CXCL14: variants seen among roughly 807,000 people sequenced by gnomAD.
The protein encoded by CXCL14 is C-X-C motif chemokine ligand 14, also known as C-X-C motif chemokine 14.
A neutral mutation model predicts 16.1 loss-of-function variants in CXCL14; 9 were observed. The observed-to-expected ratio is 0.56, with a 90% CI of 0.34 to 0.97. The LOEUF (loss-of-function observed/expected upper bound fraction) is 0.97, where lower values mean the gene tolerates loss of function less well. CXCL14 is among the 50% of genes least tolerant of loss of function. The pLI is 0.02. For missense variants in CXCL14, 111 were observed against 132.5 expected, an observed-to-expected ratio of 0.84 and a Z score of 0.80; for synonymous variants, 55 against 52.8, an observed-to-expected ratio of 1.04 and a Z score of -0.18.
intron 2 of CXCL14, 138 bp downstream of exon 2, chr5:135,578,296 G>A (rs1751145885): frequency 1.7e-5 from 12 of 708,954 alleles, no homozygotes; most frequent in Middle Eastern, 5.3e-4. Flanking sequence ...AGGACTCTCT[G>A]GGCAATTACA....
chr5:135,573,742 G>T (rs1005714340), intron 3 of CXCL14, among the ~76,000 whole-genome samples: 2 of 149,864 alleles, frequency 1.3e-5, no homozygotes, highest in African/African-American at 5.0e-5. Flanking sequence ...GTGTGTGTGT[G>T]CTTCCTGATC....
In CXCL14 at chr5:135,571,623, G is replaced by GCACA; in HGVS notation, c.*229_*230insTGTG. ...GTGATGAAGTCTGGAGCACAAGAGA[G>GCACA]ATGGGTCTCCCATCTGGAAGCCTTT... is the stretch of plus-strand genomic sequence containing the variant. On this transcript the variant is annotated 3_prime_UTR_variant, in exon 4 of 4. Coordinates refer to ENST00000512158, the MANE Select transcript of CXCL14 (RefSeq NM_004887.5). The GCACA allele has an allele frequency of 1.9e-6, 1 of 514,818 alleles. No individual in the cohort carries two copies. Among genetic ancestry groups the GCACA allele is most frequent in the East Asian group, 3.2e-5 (1 of 31,624 alleles). 31.9% of individuals were successfully genotyped at this position (514,818 alleles called of 1,614,324 possible).
chr5:135,578,930 G>T lies in CXCL14; in HGVS notation c.-152C>A. ...GCTGGCTCCGGCTGCGCCGTCGGTGGATGCCCAGGGCTGTCTGTGGCCGTG... is the reference window on the plus strand; with the variant it reads ...GCTGGCTCCGGCTGCGCCGTCGGTGTATGCCCAGGGCTGTCTGTGGCCGTG... On this transcript the variant is annotated 5_prime_UTR_variant, in exon 1 of 4. Transcript: ENST00000512158. The T allele has an allele frequency of 2.5e-6, 2 of 789,102 alleles. No individual in the cohort carries two copies. Among genetic ancestry groups the T allele is most frequent in the Non-Finnish European group, 3.8e-6 (2 of 532,264 alleles). The allele number at this position is 789,102 out of a possible 1,614,324, so 48.9% of individuals were successfully genotyped here.
chr5:135,574,712 G>T (rs750176422), intron 2 of CXCL14, 27 bp from the exon 3 acceptor site: 1 of 1,571,264 alleles, frequency 6.4e-7, no homozygotes, highest in Non-Finnish European at 8.8e-7. Context: ...TGAGGTGGAG[G>T]GTTGAGGAGC....
rs964827401 is a variant in CXCL14 at position 135,571,618 on chromosome 5, A to G, written c.*235T>C. On this transcript the variant is annotated 3_prime_UTR_variant, in exon 4 of 4. Transcript: ENST00000512158. The stretch of plus-strand genomic sequence containing the variant: ...AGCCTGTGATGAAGTCTGGAGCACA[A>G]GAGAGATGGGTCTCCCATCTGGAAG... 2.1e-5 allele frequency: 11 copies of G among 511,664 alleles called. No homozygotes were observed. The highest frequency in any genetic ancestry group is 1.2e-4 in the African/African-American group (6 of 50,992). 31.7% of individuals were successfully genotyped at this position (511,664 alleles called of 1,614,324 possible).
At chr5:135,572,216 T>C (rs1230696373) in intron 3 of CXCL14, among the ~76,000 whole-genome samples, 3 of 152,190 alleles carry the variant, frequency 2.0e-5, no homozygotes, top group African/African-American at 7.2e-5. Context: ...GTGGCAGGAA[T>C]GTAGTCTTTC....
At position 135,571,649 on chromosome 5, in the gene CXCL14, C is replaced by T. The variant is rs113643878; in HGVS notation, c.*204G>A. The T allele has an allele frequency of 2.6e-3, 1,427 of 542,386 alleles. 25 individuals are homozygous for T. The highest frequency in any genetic ancestry group is 0.024 in the African/African-American group (1,223 of 51,092). 33.6% of individuals were successfully genotyped at this position (542,386 alleles called of 1,614,324 possible). On this transcript the variant is annotated 3_prime_UTR_variant, in exon 4 of 4. Transcript: ENST00000512158. ...ATGGGTCTCCCATCTGGAAGCCTTT[C>T]GCACGCAGCTATAAAATGTAAAAAC...
intron 1 of CXCL14, 33 bp downstream of exon 1, chr5:135,578,677 AAGACG>A (rs760732075): frequency 6.4e-7 from 1 of 1,558,714 alleles, no homozygotes; most frequent in South Asian, 1.2e-5. Context: ...AGGACAGGAC[AAGACG>A]AGACGGCGAC....
intron 2 of CXCL14, 125 bp downstream of exon 2, chr5:135,578,309 G>T (rs1487149353): frequency 2.5e-6 from 2 of 789,204 alleles, no homozygotes; most frequent in African/African-American, 1.7e-5. Context: ...CAATTACAAA[G>T]GCTTTTCCAG....
At position 135,578,798 on chromosome 5, in the gene CXCL14, C is replaced by A. The variant is rs1008921067; in HGVS notation, c.-20G>T. ...CCTCATGCTGACCGGAGGGGCGCGG[C>A]GTGGGAGCAGGGACATGGGGAGGGC... is the stretch of plus-strand genomic sequence containing the variant. On this transcript the variant is annotated 5_prime_UTR_variant, in exon 1 of 4. Transcript: ENST00000512158. 9.8e-6 allele frequency: 15 copies of A among 1,534,432 alleles called. 1 individual carries two copies. In the East Asian group the frequency reaches 3.7e-4, roughly 38 times the overall value.
chr5:135,571,741 G>T lies in CXCL14; in HGVS notation c.*112C>A, dbSNP rs1257496174. The stretch of plus-strand genomic sequence containing the variant: ...TGTCTTATGCCTGTGAGAAAGAAAG[G>T]CTTTTTTTTTTTTTTTTTTTTTTTT... On this transcript the variant is annotated 3_prime_UTR_variant, in exon 4 of 4. Transcript: ENST00000512158. The T allele has an allele frequency of 1.6e-6, 1 of 636,424 alleles. No individual in the cohort carries two copies. Among genetic ancestry groups the T allele is most frequent in the Admixed American group, 5.1e-5 (1 of 19,790 alleles). 39.4% of individuals were successfully genotyped at this position (636,424 alleles called of 1,614,324 possible).
At chr5:135,573,532 A>C (rs1321039620) in intron 3 of CXCL14, among the ~76,000 whole-genome samples, 1 of 151,888 alleles carries the variant, frequency 6.6e-6, no homozygotes, top group African/African-American at 2.4e-5. Context: ...TGTACCTTCC[A>C]CCCTGTGAGG....
chr5:135,573,352 C>CTT (rs781287572), intron 3 of CXCL14, among the ~76,000 whole-genome samples: 6 of 152,228 alleles, frequency 3.9e-5, no homozygotes, highest in Non-Finnish European at 8.8e-5. Flanking sequence ...GCTCTCATCA[C>CTT]TTTCTATTTC....
intron 1 of CXCL14, 53 bp from the exon 2 acceptor site, chr5:135,578,592 C>T: frequency 6.2e-7 from 1 of 1,600,244 alleles, no homozygotes. Flanking sequence ...TCCTGCCCCT[C>T]GACCACCTTG....
At chr5:135,578,595 C>A in intron 1 of CXCL14, 56 bp from the exon 2 acceptor site, 1 of 1,601,796 alleles carries the variant, frequency 6.2e-7, no homozygotes, top group Non-Finnish European at 8.6e-7. Flanking sequence ...TGCCCCTCGA[C>A]CACCTTGGTG....
At chr5:135,571,923 C>T in intron 3 of CXCL14, 55 bp from the exon 4 acceptor site, 2 of 1,594,752 alleles carry the variant, frequency 1.3e-6, no homozygotes, top group African/African-American at 2.7e-5. Flanking sequence ...AGGCCGTTCA[C>T]AAGATGCTGG....
intron 2 of CXCL14, 94 bp downstream of exon 2, chr5:135,578,340 G>A: frequency 9.6e-7 from 1 of 1,046,522 alleles, no homozygotes. Context: ...AAGTCGGAGA[G>A]AAATGTTTGT....
Position 135,571,703 on chromosome 5 carries a change from A to C in CXCL14, c.*150T>G, listed in dbSNP as rs1751030490. 2.5e-6 allele frequency: 2 copies of C among 793,362 alleles called. No homozygotes were observed. Among genetic ancestry groups the C allele is most frequent in the Non-Finnish European group, 3.8e-6 (2 of 527,876 alleles). 49.1% of individuals were successfully genotyped at this position (793,362 alleles called of 1,614,324 possible). ...CCGTTGGTAAAAAGTGCTTCATAAC[A>C]ATATATAATTTGTGTCTTATGCCTG... On this transcript the variant is annotated 3_prime_UTR_variant, in exon 4 of 4. Coordinates refer to ENST00000512158, the MANE Select transcript of CXCL14 (RefSeq NM_004887.5).
rs371946511 is a variant in CXCL14, at chr5:135,578,701, C to G, written c.64+14G>C. 1 of 1,552,080 alleles carries G rather than the reference C, an allele frequency of 6.4e-7. No individual in the cohort carries two copies. Among genetic ancestry groups the G allele is most frequent in the South Asian group, 1.2e-5 (1 of 84,388 alleles). Reference sequence around the variant, plus strand: ...CAAGACGAGACGGCGACAAGGGGAGCTCCCCGCACTCACCGTCCACACGCG... The same window carrying G: ...CAAGACGAGACGGCGACAAGGGGAGGTCCCCGCACTCACCGTCCACACGCG... On this transcript the variant is annotated intron_variant, in intron 1 of 3. Transcript: ENST00000512158.
Sources: gnomAD v4.1 joint callset for allele counts (sites outside exome capture counted in the v4.1 genomes callset) on GRCh38, gnomAD v4.1.1 for gene constraint, MANE v1.5 for transcripts, NCBI Gene and HGNC (gene_info 2026-07-23, HGNC 2026-07-21) for gene names.